Variants in DPP10 observed in about 807,000 individuals in gnomAD.
DPP10 encodes dipeptidyl peptidase like 10, also known as inactive dipeptidyl peptidase 10.
A neutral mutation model predicts 120.9 loss-of-function variants in DPP10; 33 were observed. The observed-to-expected ratio is 0.27, with a 90% CI of 0.21 to 0.37. DPP10 has a LOEUF of 0.37. Ranked by LOEUF, DPP10 falls within the 10% of genes least tolerant of loss-of-function variation. The pLI is 1.00. For synonymous variants in DPP10, 337 were observed against 326.1 expected (o/e 1.03, Z -0.36); for missense variants, 816 against 942.8 (o/e 0.87, Z 1.76).
At chr2:115,801,764 T>G (rs1040249082) in intron 19 of DPP10, among the ~76,000 whole-genome samples, 3 of 152,224 alleles carry the variant, frequency 2.0e-5, no homozygotes, top group African/African-American at 7.2e-5. Flanking sequence ...GAACCAGCCT[T>G]GCATCCCAGG....
intron 1 of DPP10, among the ~76,000 whole-genome samples, chr2:115,181,776 T>C (rs1297318207): frequency 1.3e-5 from 2 of 152,206 alleles, no homozygotes; most frequent in Non-Finnish European, 2.9e-5. Context: ...TCATCTCGGA[T>C]CCACCACAGA....
At chr2:115,792,847 C>A (rs544234582) in intron 19 of DPP10, among the ~76,000 whole-genome samples, 1 of 152,244 alleles carries the variant, frequency 6.6e-6, no homozygotes, top group African/African-American at 2.4e-5. Context: ...CAGGCACATC[C>A]TAGGCATCCC....
chr2:115,794,943 G>A (rs553621175), intron 19 of DPP10, among the ~76,000 whole-genome samples: 3 of 152,220 alleles, frequency 2.0e-5, no homozygotes, highest in African/African-American at 7.2e-5. Context: ...GCTATGGGGA[G>A]ATAACAAGAT....
At chr2:115,120,671 A>T (rs1159324051) in intron 1 of DPP10, among the ~76,000 whole-genome samples, 1 of 152,138 alleles carries the variant, frequency 6.6e-6, no homozygotes, top group Non-Finnish European at 1.5e-5. Flanking sequence ...TAACCTTTAC[A>T]ATTTTACATT....
intron 3 of DPP10, among the ~76,000 whole-genome samples, chr2:115,351,343 A>G (rs1021751656): frequency 2.0e-5 from 3 of 152,046 alleles, no homozygotes; most frequent in African/African-American, 4.8e-5. Context: ...ACGTAACGAT[A>G]GGAACAACAG....
chr2:115,673,738 G>A (rs540393268), intron 5 of DPP10, among the ~76,000 whole-genome samples: 1 of 152,274 alleles, frequency 6.6e-6, no homozygotes, highest in South Asian at 2.1e-4. Flanking sequence ...TTTGGGTTCT[G>A]ACTGTGATAT....
chr2:115,191,493 A>G (rs966045757), intron 1 of DPP10, among the ~76,000 whole-genome samples: 2 of 152,278 alleles, frequency 1.3e-5, no homozygotes, highest in African/African-American at 4.8e-5. Flanking sequence ...AGTTTGAGGC[A>G]GAATTGACGT....
intron 5 of DPP10, among the ~76,000 whole-genome samples, chr2:115,653,014 T>C (rs1306523744): frequency 6.6e-6 from 1 of 151,688 alleles, no homozygotes; most frequent in Non-Finnish European, 1.5e-5. Context: ...ATGTTCTAAT[T>C]ATATTTTACA....
intron 1 of DPP10, among the ~76,000 whole-genome samples, chr2:114,950,089 G>A (rs1697661619): frequency 6.6e-6 from 1 of 151,966 alleles, no homozygotes; most frequent in Non-Finnish European, 1.5e-5. Flanking sequence ...CAATTACTTT[G>A]ATAACTTCTT....
intron 1 of DPP10, among the ~76,000 whole-genome samples, chr2:114,888,310 C>G (rs1314778970): frequency 2.0e-5 from 3 of 152,014 alleles, no homozygotes; most frequent in African/African-American, 4.8e-5. Flanking sequence ...TTAACTGATT[C>G]CTATAACTTT....
rs75982997 is a variant in DPP10, at chr2:114,770,673, C to A, written c.60+327835C>A. Among the ~76,000 whole-genome samples, 66 of 152,316 alleles carry A rather than the reference C, an allele frequency of 4.3e-4. 1 individual carries two copies. The highest frequency in any genetic ancestry group is 1.4e-3 in the African/African-American group (59 of 41,582). ...AACTGGGGTGGAGGGAGCACATGGG[C>A]TACAAAATGTAGAAAAATCTTATAC... On this transcript the variant is annotated intron_variant, in intron 1 of 25. Transcript: ENST00000410059.
chr2:115,296,946 A>G (rs943867755), intron 1 of DPP10, among the ~76,000 whole-genome samples: 34 of 152,062 alleles, frequency 2.2e-4, no homozygotes, highest in African/African-American at 7.7e-4. Flanking sequence ...CAGAGGAACT[A>G]CTTTCCTTGA....
intron 1 of DPP10, among the ~76,000 whole-genome samples, chr2:115,270,228 G>A (rs79540263): frequency 0.038 from 5,748 of 152,072 alleles, 214 homozygotes; most frequent in East Asian, 0.2. Context: ...AAGAAAAATT[G>A]GGTATGGATG....
intron 1 of DPP10, among the ~76,000 whole-genome samples, chr2:114,952,700 G>A (rs113897026): frequency 6.6e-6 from 1 of 152,204 alleles, no homozygotes; most frequent in Admixed American, 6.5e-5. Context: ...TACAACATGT[G>A]TTGGGGAAGG....
At chr2:115,427,917 T>C (rs977216854) in intron 3 of DPP10, among the ~76,000 whole-genome samples, 2 of 152,238 alleles carry the variant, frequency 1.3e-5, no homozygotes, top group Non-Finnish European at 2.9e-5. Flanking sequence ...CATTTGAAGC[T>C]GGCTGTTAGA....
intron 3 of DPP10, among the ~76,000 whole-genome samples, chr2:115,397,677 C>T (rs1419805086): frequency 6.6e-6 from 1 of 152,212 alleles, no homozygotes; most frequent in African/African-American, 2.4e-5. Context: ...TGCTGCTCAT[C>T]TTCAGCTTCC....
chr2:115,380,245 G>T (rs2066202755), intron 3 of DPP10, among the ~76,000 whole-genome samples: 1 of 152,136 alleles, frequency 6.6e-6, no homozygotes, highest in African/African-American at 2.4e-5. Flanking sequence ...CCTGTATTGG[G>T]TGCATATATA....
chr2:114,867,200 A>G (rs1193203039), intron 1 of DPP10, among the ~76,000 whole-genome samples: 1 of 152,176 alleles, frequency 6.6e-6, no homozygotes, highest in African/African-American at 2.4e-5. Context: ...CTCAGTTGGC[A>G]GTCTGGGTTG....
chr2:115,230,251 G>T (rs911110279), intron 1 of DPP10, among the ~76,000 whole-genome samples: 1 of 151,862 alleles, frequency 6.6e-6, no homozygotes, highest in Admixed American at 6.6e-5. Flanking sequence ...TATAGAAATG[G>T]CTATTTTAAT....
Sources: allele counts gnomAD v4.1 joint callset (sites outside exome capture counted in the v4.1 genomes callset), GRCh38; gene constraint gnomAD v4.1.1; transcripts MANE v1.5; gene names NCBI Gene and HGNC (gene_info 2026-07-23, HGNC 2026-07-21).